Variants in PPM1H observed in about 807,000 individuals in gnomAD.
PPM1H encodes protein phosphatase 1H.
Under a neutral mutation model 54.9 loss-of-function variants are expected in PPM1H, and 27 were observed. The observed-to-expected ratio is 0.49, with a 90% confidence interval of 0.36 to 0.68. The LOEUF is 0.68. Among genes scored for constraint, PPM1H ranks in the 30% least tolerant of loss-of-function variants. PPM1H has a pLI of 0.00. For synonymous variants in PPM1H, 305 were observed against 270.8 expected (o/e 1.13, Z -1.24); for missense variants, 596 against 667.8 (o/e 0.89, Z 1.19).
At chr12:62,833,257 A>G (rs1868404604) in intron 1 of PPM1H, among the ~76,000 whole-genome samples, 1 of 152,202 alleles carries the variant, frequency 6.6e-6, no homozygotes, top group Admixed American at 6.5e-5. Flanking sequence ...AAGGTAAGCT[A>G]AATAAAAATT....
At chr12:62,923,417 A>G (rs1871866013) in intron 1 of PPM1H, among the ~76,000 whole-genome samples, 1 of 152,048 alleles carries the variant, frequency 6.6e-6, no homozygotes, top group African/African-American at 2.4e-5. Context: ...TTTTTCTTTA[A>G]CAAGACAAAG....
Position 62,644,767 on chromosome 12 carries a change from A to G in PPM1H, c.*3722T>C, listed in dbSNP as rs528928893. 6.6e-6 allele frequency: 1 copy of G among 152,354 alleles called. No individual in the cohort carries two copies. Among genetic ancestry groups the G allele is most frequent in the Admixed American group, 6.5e-5 (1 of 15,310 alleles). 9.4% of individuals were successfully genotyped at this position (152,354 alleles called of 1,614,324 possible). A position where few individuals can be genotyped will look rare whatever the true frequency, so the allele number is the denominator to read the frequency against. On this transcript the variant is annotated 3_prime_UTR_variant, in exon 10 of 10. Coordinates refer to ENST00000228705, the MANE Select transcript of PPM1H (RefSeq NM_020700.2). The stretch of plus-strand genomic sequence containing the variant: ...CTTTCTCTGCAATTGTTAAGTCTTC[A>G]AAAATCTGAGTTCCTCACATAAAAT...
chr12:62,934,765 C>G lies in PPM1H; in HGVS notation c.-29G>C. On this transcript the variant is annotated 5_prime_UTR_variant, in exon 1 of 10. Transcript: ENST00000228705. The surrounding 1 kb of genome is among the most constrained non-coding windows in gnomAD (Gnocchi z 4.2). ...ACTCCGGCGCCCGGCTGCAGCGGTG[C>G]GAGCAGGAGGCGGCGGGGGCCGGGC... 2.0e-6 allele frequency: 3 copies of G among 1,481,606 alleles called. No homozygotes were observed. Among genetic ancestry groups the G allele is most frequent in the Non-Finnish European group, 2.7e-6 (3 of 1,112,316 alleles). The allele number at this position is 1,481,606 out of a possible 1,614,324, so 91.8% of individuals were successfully genotyped here.
chr12:62,831,612 C>T (rs1868357592), intron 2 of PPM1H, among the ~76,000 whole-genome samples: 1 of 151,756 alleles, frequency 6.6e-6, no homozygotes, highest in South Asian at 2.1e-4. Flanking sequence ...AAGCAACAGC[C>T]AGAGTTACTT....
At chr12:62,874,498 A>AT (rs58540082) in intron 1 of PPM1H, among the ~76,000 whole-genome samples, 32,499 of 147,702 alleles carry the variant, frequency 0.22, 4,262 homozygotes, top group African/African-American at 0.38. Flanking sequence ...GCCAGCTACC[A>AT]TTTTTTTTTT....
At chr12:62,803,840 T>G (rs180806087) in intron 2 of PPM1H, among the ~76,000 whole-genome samples, 1 of 151,996 alleles carries the variant, frequency 6.6e-6, no homozygotes, top group East Asian at 1.9e-4. Flanking sequence ...CACAAGAAAC[T>G]CCTACAATTC....
At chr12:62,681,943 C>G (rs1333057320) in intron 8 of PPM1H, among the ~76,000 whole-genome samples, 1 of 152,150 alleles carries the variant, frequency 6.6e-6, no homozygotes, top group Non-Finnish European at 1.5e-5. Context: ...CAGTTTTTTC[C>G]TTGGTTTCCT....
intron 4 of PPM1H, among the ~76,000 whole-genome samples, chr12:62,787,504 G>A (rs2076679900): frequency 1.3e-5 from 2 of 152,146 alleles, no homozygotes; most frequent in Non-Finnish European, 2.9e-5. Flanking sequence ...CACACCAAAA[G>A]TGAAGAAGCA....
chr12:62,913,190 C>T (rs930366640), intron 1 of PPM1H, among the ~76,000 whole-genome samples: 1 of 152,002 alleles, frequency 6.6e-6, no homozygotes, highest in African/African-American at 2.4e-5. Context: ...GCTTGGGGAA[C>T]ATCAGTATTT....
At chr12:62,751,770 A>C (rs2076443765) in intron 4 of PPM1H, among the ~76,000 whole-genome samples, 1 of 152,248 alleles carries the variant, frequency 6.6e-6, no homozygotes, top group Non-Finnish European at 1.5e-5. Context: ...TGTATAATGT[A>C]CTGAGAATGT....
intron 2 of PPM1H, among the ~76,000 whole-genome samples, chr12:62,814,126 C>CT (rs2076851908): frequency 6.6e-6 from 1 of 152,130 alleles, no homozygotes; most frequent in Non-Finnish European, 1.5e-5. Context: ...GTCACCCAAG[C>CT]TGGAGTGCAG....
chr12:62,888,296 A>C (rs1224958481), intron 1 of PPM1H, among the ~76,000 whole-genome samples: 2 of 152,162 alleles, frequency 1.3e-5, no homozygotes, highest in Non-Finnish European at 2.9e-5. Flanking sequence ...AGGCATTGAA[A>C]ATTCAGAGCT....
In PPM1H at chr12:62,646,728, G is replaced by A. The variant is rs1386461907; in HGVS notation, c.*1761C>T. The A allele has an allele frequency of 6.6e-6, 1 of 152,260 alleles. No individual in the cohort carries two copies. The highest frequency in any genetic ancestry group is 6.5e-5 in the Admixed American group (1 of 15,282). The allele number at this position is 152,260 out of a possible 1,614,324, so 9.4% of individuals were successfully genotyped here. ...CACTTGCACAAACACCTGGTGGCGT[G>A]AATTCCCACAGTATTTCACCTGCCA... On this transcript the variant is annotated 3_prime_UTR_variant, in exon 10 of 10. Transcript: ENST00000228705.
chr12:62,782,046 A>G (rs896934249), intron 4 of PPM1H, among the ~76,000 whole-genome samples: 20 of 152,240 alleles, frequency 1.3e-4, no homozygotes, highest in African/African-American at 4.3e-4. Flanking sequence ...TTTCAAATAC[A>G]TGCCAAAGAA....
intron 3 of PPM1H, among the ~76,000 whole-genome samples, chr12:62,793,280 T>C (rs1486982242): frequency 6.6e-6 from 1 of 152,210 alleles, no homozygotes; most frequent in Admixed American, 6.5e-5. Flanking sequence ...GCAGGGCAAC[T>C]TTCTAGGTAG....
At chr12:62,895,947 A>C (rs1185646615) in intron 1 of PPM1H, among the ~76,000 whole-genome samples, 1 of 152,178 alleles carries the variant, frequency 6.6e-6, no homozygotes, top group Non-Finnish European at 1.5e-5. Flanking sequence ...AAATAAATAG[A>C]CTAAGAGACC....
At chr12:62,658,182 ATTTTTTTTTT>A (rs1173229360) in intron 9 of PPM1H, among the ~76,000 whole-genome samples, 12,624 of 87,642 alleles carry the variant, frequency 0.14, 841 homozygotes, top group East Asian at 0.23. Context: ...AACACGGTGA[ATTTTTTTTTT>A]TTTTTTTTTT....
chr12:62,697,730 T>G (rs906886486), intron 6 of PPM1H, among the ~76,000 whole-genome samples: 1 of 152,186 alleles, frequency 6.6e-6, no homozygotes, highest in African/African-American at 2.4e-5. Flanking sequence ...AACCAATTCT[T>G]CTACACCACA....
chr12:62,673,455 T>A (rs1420219081), intron 8 of PPM1H, among the ~76,000 whole-genome samples: 1 of 152,186 alleles, frequency 6.6e-6, no homozygotes, highest in African/African-American at 2.4e-5. Context: ...TTCTTAAAGC[T>A]ACTTTTAAAA....
Sources: gnomAD v4.1 joint callset for allele counts (sites outside exome capture counted in the v4.1 genomes callset) on GRCh38, gnomAD v4.1.1 for gene constraint, Gnocchi (gnomAD v3.1) non-coding constraint, MANE v1.5 for transcripts, NCBI Gene and HGNC (gene_info 2026-07-23, HGNC 2026-07-21) for gene names.